The following KCNAB2 variants were observed in gnomAD, a reference collection of about 807,000 sequenced individuals.
KCNAB2 encodes the protein voltage-gated potassium channel subunit beta-2.
KCNAB2 carries 29 observed loss-of-function variants against 63.6 expected under a neutral mutation model. That is an observed-to-expected ratio of 0.46 (90% confidence interval 0.34 to 0.62). The LOEUF is 0.62. KCNAB2 is among the 20% of genes least tolerant of loss of function. The pLI, the probability that KCNAB2 is intolerant of heterozygous loss-of-function variation, is 0.01. For missense variants in KCNAB2, 359 were observed against 563.9 expected (o/e 0.64, Z 3.68); for synonymous variants, 222 against 224.2 (o/e 0.99, Z 0.09).
At position 6,099,505 on chromosome 1, in the gene KCNAB2, C is replaced by A; in HGVS notation, c.*931C>A. 3.0e-6 allele frequency: 1 copy of A among 328,640 alleles called. No homozygotes were observed. Among genetic ancestry groups the A allele is most frequent in the Non-Finnish European group, 5.5e-6 (1 of 180,632 alleles). The allele number at this position is 328,640 out of a possible 1,614,324, so 20.4% of individuals were successfully genotyped here. A position where few individuals can be genotyped will look rare whatever the true frequency, so the allele number is the denominator to read the frequency against. On this transcript the variant is annotated 3_prime_UTR_variant, in exon 16 of 16. Transcript: ENST00000378083. ...TCCTAGCTGCACGGTGGCTGCTGGC[C>A]ACACCACGGCAAGTGGCAGCAGGGG...
Position 6,085,304 on chromosome 1 carries a change from C to T in KCNAB2, c.425+56C>T, listed in dbSNP as rs1418693693. ...TGGGGTGGGTGCGGGCGAACTATCCCAGGGTCAGCCTCGTCGGCCTGTCGT... is the reference window on the plus strand; with the variant it reads ...TGGGGTGGGTGCGGGCGAACTATCCTAGGGTCAGCCTCGTCGGCCTGTCGT... On this transcript the variant is annotated intron_variant, in intron 6 of 15. Transcript: ENST00000378083. The T allele has an allele frequency of 7.2e-6, 11 of 1,533,384 alleles. No homozygotes were observed. In the East Asian group the frequency reaches 1.1e-4, roughly 16 times the overall value. The allele number at this position is 1,533,384 out of a possible 1,614,324, so 95.0% of individuals were successfully genotyped here.
upstream of KCNAB2, among the ~76,000 whole-genome samples, chr1:6,030,883 T>C: frequency 6.7e-6 from 1 of 148,688 alleles, no homozygotes; most frequent in South Asian, 2.1e-4. Context: ...TGTGTATGTA[T>C]GTGTAGGTGT....
At chr1:6,022,942 G>A (rs2100339587) in intron 1 of KCNAB2, among the ~76,000 whole-genome samples, 1 of 149,544 alleles carries the variant, frequency 6.7e-6, no homozygotes, top group Non-Finnish European at 1.5e-5. Context: ...GAGGGCAGTG[G>A]CGCGATCTTG....
intron 5 of KCNAB2, among the ~76,000 whole-genome samples, chr1:6,082,663 C>A (rs1664308890): frequency 6.6e-6 from 1 of 152,172 alleles, no homozygotes; most frequent in Non-Finnish European, 1.5e-5. Context: ...AGGCTCCGGC[C>A]AAGTGCTGTG....
chr1:6,018,642 A>T (rs552692212), intron 1 of KCNAB2: 2 of 152,298 alleles, frequency 1.3e-5, no homozygotes, highest in East Asian at 3.9e-4. Flanking sequence ...TAGAGGCCTC[A>T]CGACAGGACT....
At chr1:5,992,905 C>T (rs957712752) in intron 1 of KCNAB2, 4 of 152,564 alleles carry the variant, frequency 2.6e-5, no homozygotes, top group African/African-American at 7.2e-5. Flanking sequence ...GTCTCCATCT[C>T]TTCTTCCCCG....
In KCNAB2 at chr1:6,051,877, G is replaced by A. The variant is rs539673595; in HGVS notation, c.218+123G>A. The A allele has an allele frequency of 6.1e-6, 7 of 1,154,670 alleles. No homozygotes were observed. The East Asian group carries it at 8.0e-5, about 13-fold the overall frequency. 71.5% of individuals were successfully genotyped at this position (1,154,670 alleles called of 1,614,324 possible). On this transcript the variant is annotated intron_variant, in intron 2 of 15. Transcript: ENST00000378083. ...CCAGCACTTGGGGAGGCAGAGGCGG[G>A]TGGATCACCTGAGATCAGGAGCTCG...
chr1:6,043,588 C>T (rs1179838973), upstream of KCNAB2, among the ~76,000 whole-genome samples: 1 of 152,200 alleles, frequency 6.6e-6, no homozygotes, highest in Non-Finnish European at 1.5e-5. Flanking sequence ...CTTGTGGGGG[C>T]TCTGGAGATG....
intron 4 of KCNAB2, among the ~76,000 whole-genome samples, chr1:6,081,387 C>G (rs1450628112): frequency 2.6e-5 from 4 of 152,200 alleles, no homozygotes. Context: ...GGGAAAGATT[C>G]AATGAGGTAC....
In KCNAB2 at chr1:6,074,711, G is replaced by A. The variant is rs1408347469; in HGVS notation, c.300+941G>A. On this transcript the variant is annotated intron_variant, in intron 4 of 15. Transcript: ENST00000378083. This position sits in a 1 kb window ranked among gnomAD's most constrained non-coding sequence, Gnocchi z 4.9. The stretch of plus-strand genomic sequence containing the variant: ...GCGGTGACTCACACCTGTAACCCCA[G>A]CACTTTGGAAGGCTGGGGCGGGCGG... Among the ~76,000 whole-genome samples the A allele has an allele frequency of 6.6e-6, 1 of 152,164 alleles. No individual in the cohort carries two copies. The highest frequency in any genetic ancestry group is 1.5e-5 in the Non-Finnish European group (1 of 68,040).
At chr1:5,997,130 C>T (rs1656983892) in intron 1 of KCNAB2, among the ~76,000 whole-genome samples, 1 of 152,188 alleles carries the variant, frequency 6.6e-6, no homozygotes, top group African/African-American at 2.4e-5. Flanking sequence ...CTGTCAGTTC[C>T]CCCTCTTCCA....
In KCNAB2 at chr1:6,053,824, G is replaced by A. The variant is rs538117525; in HGVS notation, c.218+2070G>A. ...AGGCTGGGTGTGGTGGCTCACGCCC[G>A]TAGTCTCAGCACTTTAGGAGGCAGC... On this transcript the variant is annotated intron_variant, in intron 2 of 15. Coordinates refer to ENST00000378083, the MANE Select transcript of KCNAB2 (RefSeq NM_001199862.2). Among the ~76,000 whole-genome samples, 20 of 152,176 alleles carry A rather than the reference G, an allele frequency of 1.3e-4. 1 individual carries two copies. The highest frequency in any genetic ancestry group is 5.8e-4 in the East Asian group (3 of 5,164).
intron 1 of KCNAB2, among the ~76,000 whole-genome samples, chr1:6,013,497 C>T (rs2100287149): frequency 6.6e-6 from 1 of 152,268 alleles, no homozygotes; most frequent in East Asian, 1.9e-4. Context: ...CAGAGGACAG[C>T]ACCAGCCTCC....
chr1:6,078,301 CCA>C lies in KCNAB2; in HGVS notation c.301-3892_301-3891del, dbSNP rs202145021. On this transcript the variant is annotated intron_variant, in intron 4 of 15. Transcript: ENST00000378083. This position sits in a 1 kb window ranked among gnomAD's most constrained non-coding sequence, Gnocchi z 4.2. ...ACTTAGCTAAGCCAGGACATTCTCCCCACTGCAGAGTACTCACGTTAATCCCA... is the reference window on the plus strand; with the variant it reads ...ACTTAGCTAAGCCAGGACATTCTCCCCTGCAGAGTACTCACGTTAATCCCA... Among the ~76,000 whole-genome samples the C allele has an allele frequency of 6.8e-4, 104 of 152,366 alleles. 4 individuals are homozygous for C. The East Asian group carries it at 0.016, about 23-fold the overall frequency.
intron 10 of KCNAB2, among the ~76,000 whole-genome samples, chr1:6,093,800 C>A (rs533392257): frequency 1.3e-5 from 2 of 152,206 alleles, no homozygotes; most frequent in African/African-American, 4.8e-5. Context: ...TTCTCAGTCT[C>A]CTGGACATGA....
At chr1:6,097,569 T>C (rs891113783) in intron 15 of KCNAB2, 2 of 862,478 alleles carry the variant, frequency 2.3e-6, no homozygotes, top group African/African-American at 1.7e-5. Context: ...AGAATGTGTG[T>C]CAGGGTGGAC....
Position 6,078,870 on chromosome 1 carries a change from C to T in KCNAB2, c.301-3325C>T, listed in dbSNP as rs1663939062. The stretch of plus-strand genomic sequence containing the variant: ...ATTTCTGATCTCATGCTGATGCTGG[C>T]CCATGGACCACGCTTTGCCTGGGGA... On this transcript the variant is annotated intron_variant, in intron 4 of 15. Coordinates refer to ENST00000378083, the MANE Select transcript of KCNAB2 (RefSeq NM_001199862.2). The surrounding 1 kb of genome is among the most constrained non-coding windows in gnomAD (Gnocchi z 4.2). 6.6e-6 allele frequency among the ~76,000 whole-genome samples: 1 copy of T among 152,150 alleles called. No homozygotes were observed. Among genetic ancestry groups the T allele is most frequent in the South Asian group, 2.1e-4 (1 of 4,830 alleles).
Position 6,098,675 on chromosome 1 carries a change from C to T in KCNAB2, c.*101C>T. 1.4e-6 allele frequency: 2 copies of T among 1,381,616 alleles called. No individual in the cohort carries two copies. Among genetic ancestry groups the T allele is most frequent in the Non-Finnish European group, 2.0e-6 (2 of 1,006,790 alleles). 85.6% of individuals were successfully genotyped at this position (1,381,616 alleles called of 1,614,324 possible). ...CCAAGTGAAGAGTGTGGTTTGCATC[C>T]AAGAGAAAACACCACACTGTGATGT... On this transcript the variant is annotated 3_prime_UTR_variant, in exon 16 of 16. Coordinates refer to ENST00000378083, the MANE Select transcript of KCNAB2 (RefSeq NM_001199862.2).
chr1:6,033,286 G>A (rs180829722), upstream of KCNAB2, among the ~76,000 whole-genome samples: 1 of 130,208 alleles, frequency 7.7e-6, no homozygotes, highest in African/African-American at 2.6e-5. Context: ...TGCGTGTGTG[G>A]GCATGTGGGT....
Sources: gnomAD v4.1 joint callset for allele counts (sites outside exome capture counted in the v4.1 genomes callset) on GRCh38, gnomAD v4.1.1 for gene constraint, Gnocchi (gnomAD v3.1) non-coding constraint, MANE v1.5 for transcripts, NCBI Gene and HGNC (gene_info 2026-07-23, HGNC 2026-07-21) for gene names.